The following CCDC47 variants were observed in gnomAD, a reference collection of about 807,000 sequenced individuals.
CCDC47 encodes coiled-coil domain containing 47.
A neutral mutation model predicts 60.5 loss-of-function variants in CCDC47; 41 were observed. That is an observed-to-expected ratio of 0.68 (90% CI 0.53 to 0.88). The LOEUF (loss-of-function observed/expected upper bound fraction) is 0.88. Ranked by LOEUF, CCDC47 falls within the 40% of genes least tolerant of loss-of-function variation. The pLI, the probability that CCDC47 is intolerant of heterozygous loss-of-function variation, is 0.00. For synonymous variants in CCDC47, 195 were observed against 190.7 expected (o/e 1.02, Z -0.18); for missense variants, 513 against 580.9 (o/e 0.88, Z 1.20).
intron 6 of CCDC47, among the ~76,000 whole-genome samples, chr17:63,760,579 C>CTA (rs1251182598): frequency 1.3e-5 from 2 of 152,180 alleles, no homozygotes; most frequent in African/African-American, 4.8e-5. Flanking sequence ...TGGCTCACGT[C>CTA]TATAATCCCA....
intron 6 of CCDC47, among the ~76,000 whole-genome samples, chr17:63,758,240 A>AT: frequency 6.6e-6 from 1 of 152,190 alleles, no homozygotes; most frequent in African/African-American, 2.4e-5. Flanking sequence ...TAGGAACCCG[A>AT]TTAATAGTTA....
chr17:63,766,946 T>C, intron 1 of CCDC47: 1 of 984,648 alleles, frequency 1.0e-6, no homozygotes, highest in African/African-American at 1.7e-5. Context: ...TGTTCATGCA[T>C]GAACATAATT....
chr17:63,755,565 G>A (rs145864819), intron 8 of CCDC47, among the ~76,000 whole-genome samples: 1 of 150,846 alleles, frequency 6.6e-6, no homozygotes, highest in East Asian at 1.9e-4. Context: ...GTCGAAACAA[G>A]AATGAAAGCA....
chr17:63,748,450 G>A (rs1423920419), intron 12 of CCDC47, among the ~76,000 whole-genome samples: 1 of 151,752 alleles, frequency 6.6e-6, no homozygotes, highest in Non-Finnish European at 1.5e-5. Flanking sequence ...TTGAGGTGGA[G>A]TTTCGCTCTT....
At chr17:63,771,713 G>A (rs2039343066) in intron 1 of CCDC47, among the ~76,000 whole-genome samples, 1 of 152,138 alleles carries the variant, frequency 6.6e-6, no homozygotes, top group African/African-American at 2.4e-5. Context: ...TAGTTCTCAT[G>A]TTGTGATATT....
At position 63,771,045 on chromosome 17, in the gene CCDC47, G is replaced by GAAGGAAGAAAGAAAGAAAGA. The variant is rs759971442; in HGVS notation, c.-20+2366_-20+2367insTCTTTCTTTCTTTCTTCCTT. On this transcript the variant is annotated intron_variant, in intron 1 of 12. Coordinates refer to ENST00000225726, the MANE Select transcript of CCDC47 (RefSeq NM_020198.3). Reference sequence around the variant, plus strand: ...GGAAGGAAGGAAGGAAGGAAGGAAGGAAGAAAGAAAGAAAGAAATTAAATG... The same window carrying GAAGGAAGAAAGAAAGAAAGA: ...GGAAGGAAGGAAGGAAGGAAGGAAGGAAGGAAGAAAGAAAGAAAGAAAGAAAGAAAGAAAGAAATTAAATG... Among the ~76,000 whole-genome samples, 266 of 97,770 alleles carry GAAGGAAGAAAGAAAGAAAGA rather than the reference G, an allele frequency of 2.7e-3. 1 individual carries two copies. The highest frequency in any genetic ancestry group is 0.012 in the South Asian group (31 of 2,512). 64.1% of individuals were successfully genotyped at this position (97,770 alleles called of 152,430 possible).
chr17:63,750,610 G>A (rs553434384), intron 12 of CCDC47, among the ~76,000 whole-genome samples: 78 of 150,876 alleles, frequency 5.2e-4, no homozygotes, highest in African/African-American at 1.9e-3. Context: ...TTTGAGACAG[G>A]GTCTCCCTCT....
intron 4 of CCDC47, among the ~76,000 whole-genome samples, chr17:63,762,442 T>C (rs971270782): frequency 2.6e-5 from 4 of 152,210 alleles, no homozygotes; most frequent in Non-Finnish European, 4.4e-5. Context: ...GCCCTTCAGT[T>C]TCCTCCTTAG....
intron 4 of CCDC47, chr17:63,761,696 C>A (rs970832675): frequency 3.6e-4 from 95 of 261,170 alleles, no homozygotes; most frequent in African/African-American, 8.0e-4. Context: ...GACTCTGTCT[C>A]AAAAAAAAAA....
At position 63,747,418 on chromosome 17, in the gene CCDC47, C is replaced by T. The variant is rs960230615; in HGVS notation, c.1372-457G>A. On this transcript the variant is annotated intron_variant, in intron 12 of 12. Coordinates refer to ENST00000225726, the MANE Select transcript of CCDC47 (RefSeq NM_020198.3). ...ATTGCAAATTTCTTATTAGCACAGA[C>T]ACCATACCTGCACATAATACTTAAA... 6 of 984,348 alleles carry T rather than the reference C, an allele frequency of 6.1e-6. No individual in the cohort carries two copies. In the African/African-American group the frequency reaches 7.0e-5, roughly 11 times the overall value. The allele number at this position is 984,348 out of a possible 1,614,324, so 61.0% of individuals were successfully genotyped here. A position where few individuals can be genotyped will look rare whatever the true frequency, so the allele number is the denominator to read the frequency against.
At chr17:63,753,325 C>T (rs1469868772) in intron 9 of CCDC47, 1 of 436,846 alleles carries the variant, frequency 2.3e-6, no homozygotes, top group East Asian at 1.6e-4. Flanking sequence ...TATCAATTGC[C>T]CTCCATCTCA....
chr17:63,768,766 G>T (rs1364390034), intron 1 of CCDC47, among the ~76,000 whole-genome samples: 1 of 151,952 alleles, frequency 6.6e-6, no homozygotes, highest in Non-Finnish European at 1.5e-5. Context: ...GGGCAACACA[G>T]TGAGACTTCC....
At chr17:63,771,031 AG>A (rs200970862) in intron 1 of CCDC47, among the ~76,000 whole-genome samples, 2 of 136,404 alleles carry the variant, frequency 1.5e-5, no homozygotes, top group South Asian at 2.6e-4. Context: ...GAAGGAAGGA[AG>A]GAAGGAAGGA....
intron 1 of CCDC47, among the ~76,000 whole-genome samples, chr17:63,768,972 T>TACTTGGGAGGCTGAGGTATGAGAATC (rs2039316096): frequency 6.6e-6 from 1 of 151,686 alleles, no homozygotes; most frequent in Non-Finnish European, 1.5e-5. Flanking sequence ...TAATCCCAGC[T>TACTTGGGAGGCTGAGGTATGAGAATC]ACTTGGGAGG....
At position 63,770,717 on chromosome 17, in the gene CCDC47, G is replaced by A. The variant is rs543322395; in HGVS notation, c.-20+2695C>T. 2.6e-5 allele frequency among the ~76,000 whole-genome samples: 4 copies of A among 152,144 alleles called. No individual in the cohort carries two copies. The South Asian group carries it at 8.3e-4, about 32-fold the overall frequency. ...AATGCTCTTAAAGGCTGGGCGCAGTGGCTCACACCTGTAATCCCAGCACTT... is the reference window on the plus strand; with the variant it reads ...AATGCTCTTAAAGGCTGGGCGCAGTAGCTCACACCTGTAATCCCAGCACTT... On this transcript the variant is annotated intron_variant, in intron 1 of 12. Transcript: ENST00000225726.
chr17:63,766,325 T>C, intron 1 of CCDC47, 131 bp from the exon 2 acceptor site: 4 of 833,626 alleles, frequency 4.8e-6, no homozygotes, highest in Non-Finnish European at 7.0e-6. Context: ...GACCACATTA[T>C]ATAAAGAACA....
At chr17:63,754,717 C>T (rs1315311147) in intron 8 of CCDC47, among the ~76,000 whole-genome samples, 199 bp from the exon 9 acceptor site, 2 of 151,692 alleles carry the variant, frequency 1.3e-5, no homozygotes, top group African/African-American at 2.4e-5. Flanking sequence ...ACCGTCTCTA[C>T]TAAAAATACA....
At chr17:63,761,820 T>TAG in intron 4 of CCDC47, 9 of 980,082 alleles carry the variant, frequency 9.2e-6, no homozygotes, top group Non-Finnish European at 1.1e-5. Context: ...GGGACTGAAA[T>TAG]AGATTAGCAC....
chr17:63,755,704 A>G (rs1438348526), intron 8 of CCDC47, among the ~76,000 whole-genome samples: 1 of 152,088 alleles, frequency 6.6e-6, no homozygotes, highest in Non-Finnish European at 1.5e-5. Flanking sequence ...TACACAACCA[A>G]TAGAAAGAAA....
Sources: allele counts gnomAD v4.1 joint callset (sites outside exome capture counted in the v4.1 genomes callset), GRCh38; gene constraint gnomAD v4.1.1; transcripts MANE v1.5; gene names NCBI Gene and HGNC (gene_info 2026-07-23, HGNC 2026-07-21).